Variants in SRP54 observed in about 807,000 individuals in gnomAD.
SRP54 encodes the protein signal recognition particle 54.
A neutral mutation model predicts 64.8 loss-of-function variants in SRP54; 10 were observed. The ratio of observed to expected loss-of-function variants is 0.15; its 90% confidence interval spans 0.10 to 0.26. SRP54 has a LOEUF of 0.26. Ranked by LOEUF, SRP54 falls within the 10% of genes least tolerant of loss-of-function variation. The probability of loss-of-function intolerance (pLI) is 1.00; values close to 1 mark genes in which losing one functional copy is unlikely to be tolerated. For missense variants in SRP54, 325 were observed against 613.7 expected (o/e 0.53, Z 4.97); for synonymous variants, 193 against 185.6 (o/e 1.04, Z -0.32).
intron 4 of SRP54, among the ~76,000 whole-genome samples, chr14:35,006,046 A>G (rs937553797): frequency 1.3e-5 from 2 of 151,924 alleles, no homozygotes; most frequent in Admixed American, 1.3e-4. Context: ...TCACCGTGTT[A>G]GCCAGGATGG....
At chr14:35,018,074 C>G (rs568300970) in intron 11 of SRP54, among the ~76,000 whole-genome samples, 1 of 152,254 alleles carries the variant, frequency 6.6e-6, no homozygotes, top group South Asian at 2.1e-4. Flanking sequence ...CACTTCAATC[C>G]AGTCTCAGTG....
intron 4 of SRP54, among the ~76,000 whole-genome samples, chr14:35,003,758 ACCC>A (rs1357342564): frequency 6.9e-6 from 1 of 145,550 alleles, no homozygotes; most frequent in African/African-American, 2.5e-5. Context: ...ACATGGTGAA[ACCC>A]CATCACTACA....
intron 4 of SRP54, among the ~76,000 whole-genome samples, chr14:35,006,799 A>C (rs1339303514): frequency 6.6e-6 from 1 of 152,192 alleles, no homozygotes; most frequent in East Asian, 1.9e-4. Flanking sequence ...TGACTTCTTA[A>C]ATTTATGTTC....
intron 1 of SRP54, 37 bp downstream of exon 1, chr14:34,983,252 G>C (rs894402823): frequency 6.6e-6 from 1 of 152,362 alleles, no homozygotes; most frequent in Non-Finnish European, 1.5e-5. Context: ...GACTACGGAG[G>C]GGGAGCGAGG....
intron 11 of SRP54, 190 bp from the exon 12 acceptor site, chr14:35,018,502 G>C (rs1256466678): frequency 1.8e-6 from 1 of 553,320 alleles, no homozygotes. Flanking sequence ...GATAGGACCT[G>C]TCTTTGTCTA....
In SRP54 at chr14:35,005,940, T is replaced by A. The variant is rs542888902; in HGVS notation, c.256-1343T>A. Among the ~76,000 whole-genome samples, 586 of 152,110 alleles carry A rather than the reference T, an allele frequency of 3.9e-3. 6 individuals carry two copies. Among genetic ancestry groups the A allele is most frequent in the African/African-American group, 0.014 (569 of 41,508 alleles). On this transcript the variant is annotated intron_variant, in intron 4 of 15. Transcript: ENST00000216774. ...CTGCAAGCTCCGCCACCCGGGTTCATGCCATTCTCCTGCCTCAGCCTTCAG... is the reference window on the plus strand; with the variant it reads ...CTGCAAGCTCCGCCACCCGGGTTCAAGCCATTCTCCTGCCTCAGCCTTCAG...
At position 35,007,209 on chromosome 14, in the gene SRP54, A is replaced by AT. The variant is rs546796007; in HGVS notation, c.256-74_256-73insT. 2.3e-4 allele frequency: 231 copies of AT among 1,008,348 alleles called. 1 individual carries two copies. In the South Asian group the frequency reaches 3.7e-3, roughly 16 times the overall value. The allele number at this position is 1,008,348 out of a possible 1,614,324, so 62.5% of individuals were successfully genotyped here. The stretch of plus-strand genomic sequence containing the variant: ...ACCCTGTCTCAAAAAAGGAAAAAAA[A>AT]GTTGTGGGGAAGGGGTTTTGAATTT... On this transcript the variant is annotated intron_variant, in intron 4 of 15. Transcript: ENST00000216774.
intron 4 of SRP54, among the ~76,000 whole-genome samples, chr14:35,005,930 C>T (rs2044250650): frequency 6.6e-6 from 1 of 152,108 alleles, no homozygotes. Flanking sequence ...AGCTCCGCCA[C>T]CCGGGTTCAT....
Position 35,011,512 on chromosome 14 carries a change from T to C in SRP54, c.489T>C (p.Tyr163=). The C allele has an allele frequency of 1.3e-6, 2 of 1,509,930 alleles. No individual in the cohort carries two copies. The highest frequency in any genetic ancestry group is 1.8e-6 in the Non-Finnish European group (2 of 1,119,338). 93.5% of individuals were successfully genotyped at this position (1,509,930 alleles called of 1,614,324 possible). The change falls in exon 8 of 16, where the codon TAT becomes TAC. Residue 163 remains tyrosine (Y), a synonymous_variant. Coordinates refer to ENST00000216774, the MANE Select transcript of SRP54 (RefSeq NM_003136.4). ...TKARIPFYGS[Y]TEMDPVIIAS... is the part of the protein sequence containing the mutation. ...ATCATTTGTCCATGTTATATAGCTA[T>C]ACAGAAATGGATCCTGTCATCATTG...
intron 1 of SRP54, among the ~76,000 whole-genome samples, chr14:34,990,279 G>C (rs566832176): frequency 1.3e-5 from 2 of 152,276 alleles, no homozygotes; most frequent in African/African-American, 2.4e-5. Flanking sequence ...CTTTAAATAT[G>C]ATTAAAATGT....
chr14:34,987,950 C>T (rs2043923591), intron 1 of SRP54, among the ~76,000 whole-genome samples: 1 of 152,052 alleles, frequency 6.6e-6, no homozygotes, highest in Non-Finnish European at 1.5e-5. Context: ...ATTTTTGCTC[C>T]CCTCTTTACT....
intron 1 of SRP54, among the ~76,000 whole-genome samples, chr14:34,986,378 C>G (rs967263036): frequency 2.0e-5 from 3 of 152,122 alleles, no homozygotes; most frequent in African/African-American, 7.2e-5. Flanking sequence ...TAGAACTTCT[C>G]TCATGCTGGG....
intron 1 of SRP54, among the ~76,000 whole-genome samples, chr14:34,991,127 T>TTTTTG (rs1555352960): frequency 3.1e-3 from 383 of 123,154 alleles, no homozygotes; most frequent in Non-Finnish European, 5.3e-3. Context: ...TTTTTTTTTT[T>TTTTTG]TTGTTGTTGT....
At chr14:35,014,938 T>C in intron 11 of SRP54, 108 bp downstream of exon 11, 1 of 699,974 alleles carries the variant, frequency 1.4e-6, no homozygotes, top group East Asian at 2.8e-5. Flanking sequence ...AGTCAGATCT[T>C]CCACTGCTTA....
intron 4 of SRP54, among the ~76,000 whole-genome samples, chr14:35,001,250 C>T (rs1046136653): frequency 3.5e-5 from 5 of 142,812 alleles, no homozygotes; most frequent in Admixed American, 2.2e-4. Context: ...CTCCCGGGTT[C>T]AAGCAATTCT....
chr14:35,029,172 A>G lies in SRP54; in HGVS notation c.*20A>G. 1 of 1,599,514 alleles carries G rather than the reference A, an allele frequency of 6.3e-7. No individual in the cohort carries two copies. Among genetic ancestry groups the G allele is most frequent in the Non-Finnish European group, 8.6e-7 (1 of 1,169,504 alleles). On this transcript the variant is annotated 3_prime_UTR_variant, in exon 16 of 16. Coordinates refer to ENST00000216774, the MANE Select transcript of SRP54 (RefSeq NM_003136.4). ...ATGTAAAGAAAATGCCTTAATATAA[A>G]CTGACTCAGTTGAATACCTAATTTG...
rs2043899844 is a variant in SRP54 at position 34,986,667 on chromosome 14, CAGG to C, written c.-34+3455_-34+3457del. Among the ~76,000 whole-genome samples, 3 of 152,138 alleles carry C rather than the reference CAGG, an allele frequency of 2.0e-5. No homozygotes were observed. In the South Asian group the frequency reaches 6.2e-4, roughly 32 times the overall value. ...GGCTGAGGCGGGTGGATCATGATGTCAGGAGTTCAAGACCAGCCTGGCCAAGAT... is the reference window on the plus strand; with the variant it reads ...GGCTGAGGCGGGTGGATCATGATGTCAGTTCAAGACCAGCCTGGCCAAGAT... On this transcript the variant is annotated intron_variant, in intron 1 of 15. Transcript: ENST00000216774.
rs2044507594 is a variant in SRP54, at chr14:35,020,307, G to C, written c.1156+1233G>C. On this transcript the variant is annotated intron_variant, in intron 13 of 15. Coordinates refer to ENST00000216774, the MANE Select transcript of SRP54 (RefSeq NM_003136.4). ...AGCTTGATGTTGATGACTGCTAACT[G>C]ATTACAGTGATGGTTGCCAAAGGTC... 2.0e-5 allele frequency among the ~76,000 whole-genome samples: 3 copies of C among 152,190 alleles called. No homozygotes were observed. The South Asian group carries it at 6.2e-4, about 31-fold the overall frequency.
At chr14:35,002,531 CA>C (rs1287873413) in intron 4 of SRP54, among the ~76,000 whole-genome samples, 1 of 151,608 alleles carries the variant, frequency 6.6e-6, no homozygotes, top group African/African-American at 2.4e-5. Flanking sequence ...CTGCCAGGTT[CA>C]AGCAATTCTC....
Sources: allele counts gnomAD v4.1 joint callset (sites outside exome capture counted in the v4.1 genomes callset), GRCh38; gene constraint gnomAD v4.1.1; transcripts MANE v1.5; gene names NCBI Gene and HGNC (gene_info 2026-07-23, HGNC 2026-07-21).